Variants in PDE1A observed in about 807,000 individuals in gnomAD.
PDE1A encodes the protein phosphodiesterase 1A, also known as dual specificity calcium/calmodulin-dependent 3',5'-cyclic nucleotide phosphodiesterase 1A.
Under a neutral mutation model 61.7 loss-of-function variants are expected in PDE1A, and 35 were observed. The ratio of observed to expected loss-of-function variants is 0.57; its 90% confidence interval spans 0.43 to 0.75. The LOEUF is 0.75. Ranked by LOEUF, PDE1A falls within the 30% of genes least tolerant of loss-of-function variation. The probability of loss-of-function intolerance (pLI) is 0.00; values close to 1 mark genes in which losing one functional copy is unlikely to be tolerated. For synonymous variants in PDE1A, 232 were observed against 213.2 expected, an observed-to-expected ratio of 1.09 and a Z score of -0.77; for missense variants, 597 against 630.6, an observed-to-expected ratio of 0.95 and a Z score of 0.57.
At chr2:182,390,909 C>T (rs1701384861) in intron 1 of PDE1A, among the ~76,000 whole-genome samples, 1 of 152,158 alleles carries the variant, frequency 6.6e-6, no homozygotes, top group Non-Finnish European at 1.5e-5. Context: ...GTGATGGCCT[C>T]CCCTGAGGCA....
chr2:182,222,365 C>T (rs1380453926), intron 7 of PDE1A, among the ~76,000 whole-genome samples: 1 of 151,854 alleles, frequency 6.6e-6, no homozygotes, highest in African/African-American at 2.4e-5. Flanking sequence ...ATTAAAGAGA[C>T]CAGTGGTTGC....
the PDE1A span, among the ~76,000 whole-genome samples, chr2:182,662,695 G>T: frequency 6.6e-6 from 1 of 152,000 alleles, no homozygotes; most frequent in African/African-American, 2.4e-5. Context: ...ACTCAAGATG[G>T]ATTAAAGGCC....
At chr2:182,503,755 AT>A (rs1198981487) in intron 2 of PDE1A, among the ~76,000 whole-genome samples, 2 of 152,174 alleles carry the variant, frequency 1.3e-5, no homozygotes, top group African/African-American at 4.8e-5. Context: ...GTACCGTTTT[AT>A]TAAAATTACA....
At chr2:182,715,154 T>C in the PDE1A span, among the ~76,000 whole-genome samples, 1 of 152,232 alleles carries the variant, frequency 6.6e-6, no homozygotes, top group South Asian at 2.1e-4. Flanking sequence ...TGTGTCATAA[T>C]GCTTAACATC....
chr2:182,233,790 C>G (rs1236504533), intron 4 of PDE1A, among the ~76,000 whole-genome samples: 1 of 151,376 alleles, frequency 6.6e-6, no homozygotes, highest in Non-Finnish European at 1.5e-5. Flanking sequence ...CACACACACA[C>G]ACACACACAC....
At chr2:182,319,535 AGCATAATAC>A (rs1394069057) in intron 1 of PDE1A, among the ~76,000 whole-genome samples, 1 of 152,166 alleles carries the variant, frequency 6.6e-6, no homozygotes, top group Non-Finnish European at 1.5e-5. Context: ...TTGAACAATT[AGCATAATAC>A]GCATTAATGG....
intron 2 of PDE1A, among the ~76,000 whole-genome samples, chr2:182,452,004 T>C (rs1685560371): frequency 6.6e-6 from 1 of 152,086 alleles, no homozygotes; most frequent in South Asian, 2.1e-4. Context: ...GTTTGTTTAT[T>C]GTTCTGATTT....
intron 1 of PDE1A, among the ~76,000 whole-genome samples, chr2:182,355,424 A>G (rs1382938613): frequency 6.6e-6 from 1 of 151,908 alleles, no homozygotes; most frequent in Admixed American, 6.6e-5. Flanking sequence ...TAAATTTTAA[A>G]ATATTTAAAT....
At chr2:182,392,824 A>G (rs906621931) in intron 1 of PDE1A, among the ~76,000 whole-genome samples, 2 of 152,270 alleles carry the variant, frequency 1.3e-5, no homozygotes, top group African/African-American at 2.4e-5. Context: ...CCATTTCTCA[A>G]TCCAGCTCAC....
At chr2:182,594,511 C>T in the PDE1A span, among the ~76,000 whole-genome samples, 1,049 of 152,264 alleles carry the variant, frequency 6.9e-3, 14 homozygotes, top group African/African-American at 0.024. Context: ...CAAACTAAAG[C>T]CCTATTAAGG....
chr2:182,200,049 C>T (rs1487034869), intron 10 of PDE1A, among the ~76,000 whole-genome samples: 1 of 151,954 alleles, frequency 6.6e-6, no homozygotes, highest in Non-Finnish European at 1.5e-5. Flanking sequence ...ATCTTCAGAA[C>T]AGGTATAAAA....
At chr2:182,455,715 C>T (rs1685867853) in intron 2 of PDE1A, among the ~76,000 whole-genome samples, 3 of 151,700 alleles carry the variant, frequency 2.0e-5, no homozygotes, top group Non-Finnish European at 2.9e-5. Context: ...AATGAGAATC[C>T]ATGGACACAG....
intron 1 of PDE1A, among the ~76,000 whole-genome samples, chr2:182,306,910 C>A (rs113048982): frequency 0.011 from 1,637 of 152,144 alleles, 25 homozygotes; most frequent in South Asian, 0.073. Context: ...TTAGATATGA[C>A]CCCAAAAGCT....
intron 2 of PDE1A, among the ~76,000 whole-genome samples, chr2:182,462,035 T>A (rs916132010): frequency 2.6e-5 from 4 of 152,048 alleles, no homozygotes; most frequent in African/African-American, 9.7e-5. Context: ...CTCATTCTCT[T>A]TAAAAAGTAT....
chr2:182,253,609 G>A (rs1029192328), intron 2 of PDE1A, among the ~76,000 whole-genome samples: 2 of 152,118 alleles, frequency 1.3e-5, no homozygotes, highest in Non-Finnish European at 2.9e-5. Context: ...TAAACTCACT[G>A]ATTAGTGAAC....
chr2:182,492,105 A>G (rs931843723), intron 2 of PDE1A, among the ~76,000 whole-genome samples: 2 of 152,126 alleles, frequency 1.3e-5, no homozygotes, highest in African/African-American at 4.8e-5. Flanking sequence ...ATATCAATAC[A>G]GTTGCCCCAT....
exon 15 of PDE1A, chr2:182,141,386 C>T (rs1690221065): frequency 6.6e-6 from 1 of 152,124 alleles, no homozygotes; most frequent in African/African-American, 2.4e-5. Flanking sequence ...ATGTACATAT[C>T]TATAAATGTT....
chr2:182,248,595 A>G (rs1315915444), intron 2 of PDE1A, among the ~76,000 whole-genome samples: 1 of 152,186 alleles, frequency 6.6e-6, no homozygotes, highest in African/African-American at 2.4e-5. Context: ...AAAAGTTTGC[A>G]GGGAAGGGAA....
chr2:182,648,897 G>T, the PDE1A span, among the ~76,000 whole-genome samples: 1 of 152,144 alleles, frequency 6.6e-6, no homozygotes, highest in Non-Finnish European at 1.5e-5. Context: ...ATCAGAGCTG[G>T]TGTTTGAAAG....
Sources: gnomAD v4.1 joint callset for allele counts (sites outside exome capture counted in the v4.1 genomes callset) on GRCh38, gnomAD v4.1.1 for gene constraint, MANE v1.5 for transcripts, NCBI Gene and HGNC (gene_info 2026-07-23, HGNC 2026-07-21) for gene names.